The following NFE2L3 variants were observed in gnomAD, a reference collection of about 807,000 sequenced individuals.
NFE2L3 encodes the protein NFE2 like bZIP transcription factor 3, also known as nuclear factor erythroid 2-related factor 3.
NFE2L3 carries 18 observed loss-of-function variants against 23.5 expected under a neutral mutation model. The ratio of observed to expected loss-of-function variants is 0.77; its 90% CI spans 0.53 to 1.13. The LOEUF (loss-of-function observed/expected upper bound fraction) is 1.13, where lower values mean the gene tolerates loss of function less well. Among genes scored for constraint, NFE2L3 ranks in the 50% most tolerant of loss-of-function variants. The pLI is 0.00. For synonymous variants in NFE2L3, 424 were observed against 354.5 expected, an observed-to-expected ratio of 1.20 and a Z score of -2.20; for missense variants, 1,152 against 877.2, an observed-to-expected ratio of 1.31 and a Z score of -3.96.
chr7:26,185,079 T>C lies in NFE2L3; in HGVS notation c.1381T>C (p.Leu461=). The C allele has an allele frequency of 6.2e-7, 1 of 1,613,924 alleles. No individual in the cohort carries two copies. Among genetic ancestry groups the C allele is most frequent in the Non-Finnish European group, 8.5e-7 (1 of 1,179,830 alleles). The change falls in exon 4 of 4, where the codon TTA becomes CTA. Residue 461 remains leucine (L), a synonymous_variant. Transcript: ENST00000056233. ...TDHESSSHHD[L]EGAVGGYYPE... is the part of the protein sequence containing the mutation. ...CCATGAATCTAGTTCCCATCATGAC[T>C]TAGAAGGTGCTGTAGGTGGCTACTA... is the stretch of plus-strand genomic sequence containing the variant.
rs1176179313 is a variant in NFE2L3 at position 26,186,692 on chromosome 7, CCAGAACACTGTAA to C, written c.*910_*922del. On this transcript the variant is annotated 3_prime_UTR_variant, in exon 4 of 4. Transcript: ENST00000056233. ...ACCATCTTAGAATACTGAGATCTCA[CCAGAACACTGTAA>C]GCCATATAAACAGTAGGGAAAGAGT... 1 of 152,104 alleles carries C rather than the reference CCAGAACACTGTAA, an allele frequency of 6.6e-6. No individual in the cohort carries two copies. Among genetic ancestry groups the C allele is most frequent in the Non-Finnish European group, 1.5e-5 (1 of 68,020 alleles). 9.4% of individuals were successfully genotyped at this position (152,104 alleles called of 1,614,324 possible). A position where few individuals can be genotyped will look rare whatever the true frequency, so the allele number is the denominator to read the frequency against.
chr7:26,154,537 C>T (rs1784052122), intron 1 of NFE2L3, among the ~76,000 whole-genome samples: 1 of 152,124 alleles, frequency 6.6e-6, no homozygotes, highest in Admixed American at 6.5e-5. Context: ...AAGTGGCCTT[C>T]CCTTGGCTGT....
intron 1 of NFE2L3, among the ~76,000 whole-genome samples, chr7:26,169,266 T>G (rs982064168): frequency 2.0e-5 from 3 of 152,174 alleles, no homozygotes; most frequent in African/African-American, 7.2e-5. Context: ...CTGCCTTTAG[T>G]GTGAAGGAGG....
Position 26,185,444 on chromosome 7 carries a change from C to A in NFE2L3, c.1746C>A (p.Ile582=). 1 of 1,614,074 alleles carries A rather than the reference C, an allele frequency of 6.2e-7. No homozygotes were observed. The highest frequency in any genetic ancestry group is 8.5e-7 in the Non-Finnish European group (1 of 1,179,948). Residue 582 remains isoleucine (I), a synonymous_variant, in exon 4 of 4, where the codon ATC becomes ATA. Transcript: ENST00000056233. ...TACAAGTCTCACTTATCCGTGACAT[C>A]AGACGAAGAGGGAAAAATAAAGTTG... ...TDLQVSLIRD[I]RRRGKNKVAA...
In NFE2L3 at chr7:26,177,977, T is replaced by A; in HGVS notation, c.605T>A (p.Val202Glu). 2 of 1,613,992 alleles carry A rather than the reference T, an allele frequency of 1.2e-6. No individual in the cohort carries two copies. Among genetic ancestry groups the A allele is most frequent in the Non-Finnish European group, 1.7e-6 (2 of 1,179,966 alleles). Reference protein sequence around the residue: ...NGVLREKHEAVDHSSQHEENE... With the variant: ...NGVLREKHEAEDHSSQHEENE... ...GTACTAAGAGAAAAGCACGAAGCTG[T>A]GGATCATAGTTCCCAGCATGAGGAA... is the stretch of plus-strand genomic sequence containing the variant. The change falls in exon 2 of 4, where the codon GTG becomes GAG. Residue 202 changes from valine to glutamate, a missense_variant. Coordinates refer to ENST00000056233, the MANE Select transcript of NFE2L3 (RefSeq NM_004289.7).
intron 1 of NFE2L3, among the ~76,000 whole-genome samples, chr7:26,164,034 A>G (rs1784210219): frequency 6.6e-6 from 1 of 152,064 alleles, no homozygotes; most frequent in Non-Finnish European, 1.5e-5. Flanking sequence ...TATTTGCCAC[A>G]TTTTCTTAAT....
Position 26,152,529 on chromosome 7 carries a change from G to T in NFE2L3, c.31G>T (p.Gly11Cys). ...GCACCTGAAGCGGTGGTGGTCGGCCGGCGGCGGCCTCCTGCACCTCACCCT... is the reference window on the plus strand; with the variant it reads ...GCACCTGAAGCGGTGGTGGTCGGCCTGCGGCGGCCTCCTGCACCTCACCCT... MKHLKRWWSA[G>C]GGLLHLTLLL... Residue 11 changes from glycine (G) to cysteine (C), a missense_variant, in exon 1 of 4, where the codon GGC becomes TGC. By Grantham distance (159) the Gly-to-Cys change is radical (BLOSUM62 -3). Coordinates refer to ENST00000056233, the MANE Select transcript of NFE2L3 (RefSeq NM_004289.7). The surrounding 1 kb of genome is among the most constrained non-coding windows in gnomAD (Gnocchi z 4.4). The T allele has an allele frequency of 1.4e-6, 2 of 1,421,814 alleles. No individual in the cohort carries two copies. Among genetic ancestry groups the T allele is most frequent in the Non-Finnish European group, 1.8e-6 (2 of 1,087,016 alleles). 88.1% of individuals were successfully genotyped at this position (1,421,814 alleles called of 1,614,324 possible).
At chr7:26,162,577 A>G (rs909900439) in intron 1 of NFE2L3, among the ~76,000 whole-genome samples, 2 of 152,176 alleles carry the variant, frequency 1.3e-5, no homozygotes, top group Non-Finnish European at 2.9e-5. Flanking sequence ...TGAATCATAA[A>G]TGATACTCTT....
intron 2 of NFE2L3, 141 bp from the exon 3 acceptor site, chr7:26,183,560 G>T: frequency 1.6e-6 from 1 of 613,578 alleles, no homozygotes; most frequent in Admixed American, 2.9e-5. Flanking sequence ...ATAATAAAAA[G>T]TAGAACTTCC....
intron 2 of NFE2L3, among the ~76,000 whole-genome samples, chr7:26,183,025 G>A (rs775922216): frequency 6.6e-5 from 10 of 152,168 alleles, no homozygotes; most frequent in African/African-American, 2.4e-4. Flanking sequence ...GGGCTCAGGC[G>A]ATCTGCCTGC....
At chr7:26,163,985 C>T (rs1181060872) in intron 1 of NFE2L3, among the ~76,000 whole-genome samples, 1 of 152,222 alleles carries the variant, frequency 6.6e-6, no homozygotes, top group Non-Finnish European at 1.5e-5. Flanking sequence ...AGGACACAAA[C>T]TCATCCTTTT....
At chr7:26,184,197 C>A in intron 3 of NFE2L3, 1 of 339,236 alleles carries the variant, frequency 2.9e-6, no homozygotes, top group Non-Finnish European at 5.4e-6. Flanking sequence ...TATCCCTGAC[C>A]CTCCACAATG....
At chr7:26,163,768 TTTACA>T (rs1482648924) in intron 1 of NFE2L3, among the ~76,000 whole-genome samples, 11 of 152,208 alleles carry the variant, frequency 7.2e-5, no homozygotes, top group African/African-American at 2.7e-4. Context: ...TAACTCGTCA[TTTACA>T]TTAGGTATAT....
At chr7:26,169,092 A>G (rs1043929378) in intron 1 of NFE2L3, among the ~76,000 whole-genome samples, 1 of 152,210 alleles carries the variant, frequency 6.6e-6, no homozygotes, top group Non-Finnish European at 1.5e-5. Flanking sequence ...CCAAGAAGCA[A>G]TTGCAAATTA....
chr7:26,185,017 CTG>C lies in NFE2L3; in HGVS notation c.1326_1327del (p.Cys442Ter), dbSNP rs750107826. The C allele has an allele frequency of 9.3e-6, 15 of 1,613,678 alleles. No individual in the cohort carries two copies. The highest frequency in any genetic ancestry group is 2.2e-5 in the East Asian group (1 of 44,890). The stretch of plus-strand genomic sequence containing the variant: ...GTCATCAAGTCTAATTCCTCTCACT[CTG>C]TGTGTGATGAAGGTGCTATAGGTTA... On this transcript the variant is annotated frameshift_variant, in exon 4 of 4. Transcript: ENST00000056233. LOFTEE classifies it low-confidence loss of function (END_TRUNC).
chr7:26,171,601 G>C (rs1443011127), intron 1 of NFE2L3, among the ~76,000 whole-genome samples: 1 of 151,866 alleles, frequency 6.6e-6, no homozygotes, highest in Non-Finnish European at 1.5e-5. Flanking sequence ...AGGCAAATGA[G>C]TATACCATTC....
At position 26,185,140 on chromosome 7, in the gene NFE2L3, G is replaced by A. The variant is rs148159120; in HGVS notation, c.1442G>A (p.Ser481Asn). The A allele has an allele frequency of 5.6e-3, 9,006 of 1,613,868 alleles. 42 individuals carry two copies. Among genetic ancestry groups the A allele is most frequent in the South Asian group, 6.6e-3 (602 of 91,060 alleles). Residue 481 changes from serine (S) to asparagine (N), a missense_variant, in exon 4 of 4, where the codon AGT becomes AAT. Transcript: ENST00000056233. ...EPSKLCHLDQ[S>N]DSDFHGDLTF... Reference sequence around the variant, plus strand: ...AGTAAGCTTTGTCACTTGGATCAAAGTGATTCTGATTTCCATGGAGATCTT... The same window carrying A: ...AGTAAGCTTTGTCACTTGGATCAAAATGATTCTGATTTCCATGGAGATCTT...
chr7:26,155,671 C>T (rs1784071541), intron 1 of NFE2L3, among the ~76,000 whole-genome samples: 1 of 152,152 alleles, frequency 6.6e-6, no homozygotes, highest in African/African-American at 2.4e-5. Context: ...TAATCACTCT[C>T]CAGTGCTAGA....
intron 1 of NFE2L3, among the ~76,000 whole-genome samples, chr7:26,163,590 GC>G (rs1784203752): frequency 6.6e-6 from 1 of 151,862 alleles, no homozygotes; most frequent in South Asian, 2.1e-4. Flanking sequence ...CAGGTGATCC[GC>G]CCACCTCAGC....
Sources: allele counts gnomAD v4.1 joint callset (sites outside exome capture counted in the v4.1 genomes callset), GRCh38; gene constraint gnomAD v4.1.1; non-coding constraint Gnocchi (gnomAD v3.1); transcripts MANE v1.5; gene names NCBI Gene and HGNC (gene_info 2026-07-23, HGNC 2026-07-21).